The following SMG1 variants were observed in gnomAD, a reference collection of about 807,000 sequenced individuals.
The protein encoded by SMG1 is SMG1 nonsense mediated mRNA decay associated PI3K related kinase.
Under a neutral mutation model 419.9 loss-of-function variants are expected in SMG1, and 22 were observed. The ratio of observed to expected loss-of-function variants is 0.05; its 90% confidence interval spans 0.04 to 0.07. The LOEUF (loss-of-function observed/expected upper bound fraction) is 0.07, where lower values mean the gene tolerates loss of function less well. SMG1 is among the 10% of genes least tolerant of loss of function. The pLI, the probability that SMG1 is intolerant of heterozygous loss-of-function variation, is 1.00. For synonymous variants in SMG1, 1,538 were observed against 1,553.5 expected (o/e 0.99, Z 0.23); for missense variants, 3,185 against 4,342.0 (o/e 0.73, Z 7.49).
intron 45 of SMG1, 133 bp from the exon 46 acceptor site, chr16:18,837,576 G>T: frequency 1.4e-6 from 1 of 712,516 alleles, no homozygotes; most frequent in Non-Finnish European, 2.3e-6. Context: ...TGCCTCCACT[G>T]TACAAAAACA....
At chr16:18,875,918 G>C in intron 13 of SMG1, 1 of 572,480 alleles carries the variant, frequency 1.7e-6, no homozygotes, top group South Asian at 2.7e-5. Flanking sequence ...ATCAAGATTT[G>C]TCAAGGAAAA....
chr16:18,847,788 C>G (rs759307858), intron 37 of SMG1, 28 bp downstream of exon 37: 77 of 1,603,928 alleles, frequency 4.8e-5, no homozygotes, highest in Non-Finnish European at 6.2e-5. Context: ...ATAAAAAATT[C>G]TTCTACAACA....
In SMG1 at chr16:18,834,441, A is replaced by G; in HGVS notation, c.8331-3T>C. ...CACCTTCCATCATCAGGTTACGCCT[A>G]CAAGAGATAAATATCTGTACAGTGA... On this transcript the variant is annotated splice_polypyrimidine_tract_variant and splice_region_variant and intron_variant, in intron 49 of 62. Coordinates refer to ENST00000446231, the MANE Select transcript of SMG1 (RefSeq NM_015092.5). 6.2e-7 allele frequency: 1 copy of G among 1,611,758 alleles called. No individual in the cohort carries two copies. The highest frequency in any genetic ancestry group is 8.5e-7 in the Non-Finnish European group (1 of 1,178,836).
intron 36 of SMG1, 125 bp from the exon 37 acceptor site, chr16:18,848,158 G>A (rs1370635783): frequency 5.4e-6 from 4 of 735,592 alleles, no homozygotes; most frequent in Admixed American, 2.7e-5. Context: ...TGCCTTCCAG[G>A]CATAGAACTG....
rs757102191 is a variant in SMG1 at position 18,850,249 on chromosome 16, G to A, written c.5271C>T (p.Leu1757=). 6.2e-7 allele frequency: 1 copy of A among 1,609,862 alleles called. No individual in the cohort carries two copies. Among genetic ancestry groups the A allele is most frequent in the Non-Finnish European group, 8.5e-7 (1 of 1,177,446 alleles). Residue 1757 remains leucine, a synonymous_variant, in exon 34 of 63, where the codon CTC becomes CTT. Transcript: ENST00000446231. ...CTGTGCTACATACTTGACCAGCGTT[G>A]AGTTTAAGGAAAGTAAAGTATGCAC... The part of the protein sequence containing the change: ...SCSAYFTFLK[L]NAGQIPLDED...
At chr16:18,818,690 G>T (rs1442196229) in intron 56 of SMG1, among the ~76,000 whole-genome samples, 1 of 152,134 alleles carries the variant, frequency 6.6e-6, no homozygotes, top group Admixed American at 6.5e-5. Flanking sequence ...ATTAAGCACT[G>T]GCGACAGGTA....
Position 18,854,840 on chromosome 16 carries a change from T to C in SMG1, c.4299A>G (p.Arg1433=), listed in dbSNP as rs1374790123. The C allele has an allele frequency of 6.2e-7, 1 of 1,613,942 alleles. No homozygotes were observed. The highest frequency in any genetic ancestry group is 2.2e-5 in the East Asian group (1 of 44,904). ...TTGCAAGGGACACATTCCCTCGTTT[T>C]CTAGCAAATTTTGCTGCTGTTAGAC... ...ELGLTAAKFA[R]KRGNVSLATR... Residue 1433 remains arginine (R), a synonymous_variant, in exon 30 of 63, where the codon AGA becomes AGG. Coordinates refer to ENST00000446231, the MANE Select transcript of SMG1 (RefSeq NM_015092.5).
intron 60 of SMG1, among the ~76,000 whole-genome samples, chr16:18,813,113 A>G (rs575878803): frequency 2.6e-5 from 4 of 152,270 alleles, no homozygotes; most frequent in East Asian, 1.9e-4. Flanking sequence ...TATTGTGAGT[A>G]GTGCCGCAAT....
chr16:18,902,778 G>A (rs1459291349), intron 1 of SMG1, among the ~76,000 whole-genome samples: 1 of 151,530 alleles, frequency 6.6e-6, no homozygotes, highest in Non-Finnish European at 1.5e-5. Flanking sequence ...GTCATCTTAT[G>A]GACTGGACTC....
At chr16:18,917,848 A>AT (rs954294075) in intron 1 of SMG1, among the ~76,000 whole-genome samples, 4 of 151,424 alleles carry the variant, frequency 2.6e-5, no homozygotes, top group African/African-American at 9.7e-5. Context: ...AACTGCTGGG[A>AT]TTACAGGCAT....
At chr16:18,885,862 C>T (rs530932529) in intron 6 of SMG1, among the ~76,000 whole-genome samples, 196 bp from the exon 7 acceptor site, 2 of 152,048 alleles carry the variant, frequency 1.3e-5, no homozygotes, top group Admixed American at 6.5e-5. Flanking sequence ...ACAAGAATCG[C>T]TTGAACCCAG....
intron 6 of SMG1, among the ~76,000 whole-genome samples, chr16:18,886,163 A>T (rs2036603255): frequency 6.6e-6 from 1 of 151,858 alleles, no homozygotes; most frequent in African/African-American, 2.4e-5. Context: ...AATACAAAAA[A>T]GTAAAATGGA....
At chr16:18,916,622 CA>C (rs138491329) in intron 1 of SMG1, among the ~76,000 whole-genome samples, 3 of 147,462 alleles carry the variant, frequency 2.0e-5, no homozygotes, top group Non-Finnish European at 4.5e-5. Context: ...AAAACACACA[CA>C]AAAAAAAACA....
chr16:18,911,037 T>G (rs190712787), intron 1 of SMG1, among the ~76,000 whole-genome samples: 9 of 152,176 alleles, frequency 5.9e-5, no homozygotes, highest in Non-Finnish European at 7.3e-5. Context: ...CTCCAATCTA[T>G]GCAAATAGTC....
intron 48 of SMG1, among the ~76,000 whole-genome samples, chr16:18,835,521 G>A (rs1477467852): frequency 6.6e-6 from 1 of 152,140 alleles, no homozygotes; most frequent in Non-Finnish European, 1.5e-5. Flanking sequence ...CACGCCCGTG[G>A]TCCCAGCTAC....
At chr16:18,847,205 T>G (rs887743129) in intron 38 of SMG1, among the ~76,000 whole-genome samples, 1 of 152,054 alleles carries the variant, frequency 6.6e-6, no homozygotes, top group African/African-American at 2.4e-5. Flanking sequence ...GCAAGTAGAA[T>G]AGAGGTGGCC....
At chr16:18,855,002 C>A (rs201927161) in intron 29 of SMG1, 98 bp from the exon 30 acceptor site, 14 of 929,958 alleles carry the variant, frequency 1.5e-5, no homozygotes, top group Non-Finnish European at 2.1e-5. Flanking sequence ...CCCTCTTCTG[C>A]ACCACCTCCT....
chr16:18,888,656 C>G (rs533359816), intron 6 of SMG1, among the ~76,000 whole-genome samples: 1 of 150,968 alleles, frequency 6.6e-6, no homozygotes, highest in East Asian at 2.0e-4. Flanking sequence ...TTAGTAGAGA[C>G]GGGGTTTCAC....
chr16:18,914,867 G>C (rs140745623), intron 1 of SMG1, among the ~76,000 whole-genome samples: 1 of 151,874 alleles, frequency 6.6e-6, no homozygotes, highest in African/African-American at 2.4e-5. Context: ...ATAAGTCAAT[G>C]TGTAAAAAGA....
Sources: allele counts gnomAD v4.1 joint callset (sites outside exome capture counted in the v4.1 genomes callset), GRCh38; gene constraint gnomAD v4.1.1; transcripts MANE v1.5; gene names NCBI Gene and HGNC (gene_info 2026-07-23, HGNC 2026-07-21).